The following PTPRT variants were observed in gnomAD, a reference collection of about 807,000 sequenced individuals.
PTPRT encodes the protein receptor-type tyrosine-protein phosphatase T.
PTPRT carries 56 observed loss-of-function variants against 176.8 expected under a neutral mutation model. The observed-to-expected ratio is 0.32, with a 90% CI of 0.26 to 0.40. The LOEUF (loss-of-function observed/expected upper bound fraction) is 0.40, where lower values mean the gene tolerates loss of function less well. Among genes scored for constraint, PTPRT ranks in the 10% least tolerant of loss-of-function variants. PTPRT has a pLI of 1.00. For missense variants in PTPRT, 1,540 were observed against 1,908.2 expected, an observed-to-expected ratio of 0.81 and a Z score of 3.60; for synonymous variants, 783 against 739.0, an observed-to-expected ratio of 1.06 and a Z score of -0.96.
At chr20:42,421,282 G>GCACACA (rs147671583) in intron 9 of PTPRT, among the ~76,000 whole-genome samples, 3 of 150,602 alleles carry the variant, frequency 2.0e-5, no homozygotes, top group African/African-American at 4.9e-5. Context: ...ACACACGCAT[G>GCACACA]CACACACACA....
At chr20:42,389,757 A>G (rs1015235788) in intron 9 of PTPRT, among the ~76,000 whole-genome samples, 1 of 151,788 alleles carries the variant, frequency 6.6e-6, no homozygotes, top group African/African-American at 2.4e-5. Context: ...CCAGAGGTTA[A>G]GGCAGGAGGA....
intron 27 of PTPRT, among the ~76,000 whole-genome samples, chr20:42,087,114 G>A (rs756784115): frequency 1.3e-3 from 196 of 151,790 alleles, no homozygotes; most frequent in Non-Finnish European, 2.2e-3. Context: ...AGTGAGTAGA[G>A]GAGAGGATGC....
At chr20:43,181,546 T>C (rs955544693) in intron 1 of PTPRT, among the ~76,000 whole-genome samples, 8 of 152,158 alleles carry the variant, frequency 5.3e-5, no homozygotes, top group African/African-American at 9.7e-5. Flanking sequence ...AAACACATAA[T>C]ATGGCAATGT....
chr20:42,988,920 A>C (rs1232705012), intron 1 of PTPRT, among the ~76,000 whole-genome samples: 1 of 152,236 alleles, frequency 6.6e-6, no homozygotes, highest in Non-Finnish European at 1.5e-5. Flanking sequence ...CACCTGCTAC[A>C]TCTAAGACAC....
chr20:42,549,054 T>C (rs899648695), intron 7 of PTPRT, among the ~76,000 whole-genome samples: 3 of 152,158 alleles, frequency 2.0e-5, no homozygotes. Context: ...CTGTTATACT[T>C]AGTCCAACTA....
At chr20:42,139,020 GCTTT>G in intron 18 of PTPRT, among the ~76,000 whole-genome samples, 1 of 152,306 alleles carries the variant, frequency 6.6e-6, no homozygotes, top group East Asian at 1.9e-4. Context: ...GCCTCGGCAG[GCTTT>G]GCCTTTGGGA....
chr20:42,397,435 C>T (rs947035878), intron 9 of PTPRT, among the ~76,000 whole-genome samples: 1 of 152,152 alleles, frequency 6.6e-6, no homozygotes, highest in African/African-American at 2.4e-5. Context: ...GGTAGTTTTT[C>T]AGCCCTTGCT....
chr20:42,364,001 A>G lies in PTPRT; in HGVS notation c.1561-11716T>C, dbSNP rs370155692. Among the ~76,000 whole-genome samples the G allele has an allele frequency of 2.2e-4, 33 of 152,182 alleles. 1 individual carries two copies. Among genetic ancestry groups the G allele is most frequent in the African/African-American group, 7.5e-4 (31 of 41,442 alleles). On this transcript the variant is annotated intron_variant, in intron 9 of 30. Transcript: ENST00000373187. ...ATGTTAGGAGTATTTGGACAGGCAGAGAGAGCTTTTGAGTGCATCGTTGGG... is the reference window on the plus strand; with the variant it reads ...ATGTTAGGAGTATTTGGACAGGCAGGGAGAGCTTTTGAGTGCATCGTTGGG...
chr20:42,648,699 C>G (rs1319611844), intron 7 of PTPRT, among the ~76,000 whole-genome samples: 1 of 151,970 alleles, frequency 6.6e-6, no homozygotes, highest in Non-Finnish European at 1.5e-5. Flanking sequence ...TGGAGGGAGG[C>G]CAGGCCACAG....
chr20:42,868,912 C>T (rs1414474442), intron 2 of PTPRT, among the ~76,000 whole-genome samples: 3 of 152,158 alleles, frequency 2.0e-5, no homozygotes, highest in East Asian at 3.9e-4. Context: ...TGGTGTAGTG[C>T]TCCTTAGATG....
intron 2 of PTPRT, among the ~76,000 whole-genome samples, chr20:42,867,004 C>CAT (rs1253455189): frequency 1.3e-5 from 2 of 152,332 alleles, no homozygotes; most frequent in East Asian, 3.9e-4. Flanking sequence ...ATACTAATGT[C>CAT]ATCACTGTCA....
chr20:42,526,209 T>C (rs183790830), intron 7 of PTPRT, among the ~76,000 whole-genome samples: 2 of 152,204 alleles, frequency 1.3e-5, no homozygotes, highest in African/African-American at 2.4e-5. Context: ...CAAATTCTTG[T>C]GTTCTATCTG....
intron 1 of PTPRT, among the ~76,000 whole-genome samples, chr20:43,157,367 CAAACA>C (rs2014553826): frequency 6.6e-6 from 1 of 151,960 alleles, no homozygotes; most frequent in South Asian, 2.1e-4. Flanking sequence ...GTGTCTCAAA[CAAACA>C]AAAGATACAA....
At chr20:42,296,328 C>T (rs1452086132) in intron 12 of PTPRT, among the ~76,000 whole-genome samples, 1 of 151,968 alleles carries the variant, frequency 6.6e-6, no homozygotes, top group Non-Finnish European at 1.5e-5. Flanking sequence ...TGCCTGTAAT[C>T]CCAGCTACTC....
At chr20:42,346,606 C>T (rs961226642) in intron 11 of PTPRT, among the ~76,000 whole-genome samples, 103 of 152,216 alleles carry the variant, frequency 6.8e-4, no homozygotes, top group African/African-American at 2.4e-3. Flanking sequence ...GATGAGGGTG[C>T]GGGAGCCCCA....
intron 7 of PTPRT, among the ~76,000 whole-genome samples, chr20:42,512,346 T>C (rs1250893379): frequency 6.6e-6 from 1 of 152,210 alleles, no homozygotes; most frequent in East Asian, 1.9e-4. Flanking sequence ...TCTGTTACTA[T>C]GGTTTTATCT....
At chr20:43,047,756 C>T (rs1986893694) in intron 1 of PTPRT, among the ~76,000 whole-genome samples, 1 of 152,166 alleles carries the variant, frequency 6.6e-6, no homozygotes, top group African/African-American at 2.4e-5. Flanking sequence ...ATTCAGCTTA[C>T]TCACTCTGTG....
chr20:42,304,274 T>G (rs1216212065), intron 12 of PTPRT, among the ~76,000 whole-genome samples: 1 of 152,104 alleles, frequency 6.6e-6, no homozygotes, highest in Non-Finnish European at 1.5e-5. Flanking sequence ...ATGTTCATAC[T>G]CTATTCAAAT....
chr20:42,252,758 C>CT (rs1421587826), intron 13 of PTPRT, among the ~76,000 whole-genome samples: 1 of 152,180 alleles, frequency 6.6e-6, no homozygotes, highest in Non-Finnish European at 1.5e-5. Context: ...ACTTGAGGGC[C>CT]ACAGAAGAAC....
Sources: allele counts gnomAD v4.1 joint callset (sites outside exome capture counted in the v4.1 genomes callset), GRCh38; gene constraint gnomAD v4.1.1; transcripts MANE v1.5; gene names NCBI Gene and HGNC (gene_info 2026-07-23, HGNC 2026-07-21).